The following ZDHHC15 variants were observed in gnomAD, a reference collection of about 807,000 sequenced individuals.
ZDHHC15 encodes palmitoyltransferase ZDHHC15.
A neutral mutation model predicts 31.7 loss-of-function variants in ZDHHC15; 19 were observed. That is an observed-to-expected ratio of 0.60 (90% confidence interval 0.42 to 0.88). The LOEUF is 0.88. Among genes scored for constraint, ZDHHC15 ranks in the 40% least tolerant of loss-of-function variants. ZDHHC15 has a pLI of 0.00. For synonymous variants in ZDHHC15, 103 were observed against 90.0 expected, an observed-to-expected ratio of 1.14 and a Z score of -0.82; for missense variants, 209 against 251.2, an observed-to-expected ratio of 0.83 and a Z score of 1.14.
At chrX:75,507,672 T>A (rs2085189314) in intron 1 of ZDHHC15, among the ~76,000 whole-genome samples, 1 of 111,789 alleles carries the variant, frequency 8.9e-6, no homozygotes, top group African/African-American at 3.2e-5. Flanking sequence ...CATGTAATTA[T>A]ACACCTTCTC....
chrX:75,437,352 T>A (rs1485715990), intron 4 of ZDHHC15, among the ~76,000 whole-genome samples: 1 of 100,383 alleles, frequency 1.0e-5, no homozygotes, highest in Admixed American at 1.1e-4. Flanking sequence ...TAGTTACATA[T>A]GTATACATGT....
chrX:75,391,172 C>T (rs747499201), intron 10 of ZDHHC15, among the ~76,000 whole-genome samples: 1 of 111,261 alleles, frequency 9.0e-6, no homozygotes, highest in Non-Finnish European at 1.9e-5. Context: ...AAAATACACA[C>T]AGAGAAGAGA....
chrX:75,460,921 A>T lies in ZDHHC15; in HGVS notation c.259-9999T>A, dbSNP rs981042676. Among the ~76,000 whole-genome samples, 4 of 112,065 alleles carry T rather than the reference A, an allele frequency of 3.6e-5. No homozygotes were observed. The Admixed American group carries it at 3.8e-4, about 11-fold the overall frequency. On this transcript the variant is annotated intron_variant, in intron 3 of 11. Coordinates refer to ENST00000373367, the MANE Select transcript of ZDHHC15 (RefSeq NM_144969.3). The stretch of plus-strand genomic sequence containing the variant: ...CAACACCTCTAGAGCAAGGGCACAG[A>T]ACTGGGCTGAGGTTAAGATGCCTGA...
chrX:75,383,881 G>A (rs2083149579), intron 10 of ZDHHC15, among the ~76,000 whole-genome samples: 1 of 104,484 alleles, frequency 9.6e-6, no homozygotes, highest in African/African-American at 3.5e-5. Context: ...TGGGACTACA[G>A]GCATCCCCCA....
chrX:75,479,725 A>T (rs1409719634), intron 2 of ZDHHC15, among the ~76,000 whole-genome samples: 2 of 111,244 alleles, frequency 1.8e-5, no homozygotes, highest in Non-Finnish European at 3.8e-5. Context: ...ATATGTACAC[A>T]TTATTTAGCT....
chrX:75,373,120 A>G (rs1000110871), intron 11 of ZDHHC15, among the ~76,000 whole-genome samples, 175 bp from the exon 12 acceptor site: 3 of 111,800 alleles, frequency 2.7e-5, no homozygotes, highest in African/African-American at 9.7e-5. Flanking sequence ...ATACAATGCT[A>G]TATTTTTGAC....
At chrX:75,409,817 AAAAC>A (rs1295026840) in intron 10 of ZDHHC15, among the ~76,000 whole-genome samples, 5 of 100,140 alleles carry the variant, frequency 5.0e-5, no homozygotes, top group East Asian at 3.4e-4. Context: ...AAAAAAAAAA[AAAAC>A]AACAACAACA....
At chrX:75,444,686 A>ACACG (rs1445307919) in intron 4 of ZDHHC15, among the ~76,000 whole-genome samples, 3 of 84,785 alleles carry the variant, frequency 3.5e-5, no homozygotes, top group African/African-American at 1.5e-4. Flanking sequence ...ATATATATAT[A>ACACG]TACACACACA....
At chrX:75,455,638 C>T (rs772288798) in intron 3 of ZDHHC15, among the ~76,000 whole-genome samples, 140 of 111,863 alleles carry the variant, frequency 1.3e-3, no homozygotes, top group African/African-American at 4.3e-3. Context: ...GGCTAATATC[C>T]AGAATCTACA....
intron 3 of ZDHHC15, among the ~76,000 whole-genome samples, chrX:75,452,377 C>T (rs1355918429): frequency 9.0e-6 from 1 of 111,100 alleles, no homozygotes; most frequent in East Asian, 2.8e-4. Flanking sequence ...CAGGAGCACC[C>T]AGATTCATAA....
intron 4 of ZDHHC15, among the ~76,000 whole-genome samples, chrX:75,450,206 A>G (rs1279879029): frequency 1.8e-5 from 2 of 112,159 alleles, no homozygotes; most frequent in African/African-American, 6.5e-5. Flanking sequence ...TTCCAATTAT[A>G]TAAAATTTGA....
intron 4 of ZDHHC15, among the ~76,000 whole-genome samples, chrX:75,448,491 C>T (rs62622742): frequency 4.0e-3 from 452 of 111,850 alleles, no homozygotes; most frequent in Non-Finnish European, 5.9e-3. Context: ...TTCTCTTATC[C>T]CCTTATCATG....
Position 75,372,562 on chromosome X carries a change from T to A in ZDHHC15, c.*416A>T, listed in dbSNP as rs1262969715. 1 of 111,613 alleles carries A rather than the reference T, an allele frequency of 9.0e-6. No homozygotes were observed. The highest frequency in any genetic ancestry group is 3.3e-5 in the African/African-American group (1 of 30,741). The allele number at this position is 111,613 out of a possible 1,213,427, so 9.2% of individuals were successfully genotyped here. A position where few individuals can be genotyped will look rare whatever the true frequency, so the allele number is the denominator to read the frequency against. On this transcript the variant is annotated 3_prime_UTR_variant, in exon 12 of 12. Coordinates refer to ENST00000373367, the MANE Select transcript of ZDHHC15 (RefSeq NM_144969.3). ...ACACAAGCAGCAAATGTAGTTTGAT[T>A]CCCTTCAACACCAAAAAGGCCCTAT...
At chrX:75,438,920 C>A (rs1206764178) in intron 4 of ZDHHC15, among the ~76,000 whole-genome samples, 2 of 111,370 alleles carry the variant, frequency 1.8e-5, no homozygotes, top group African/African-American at 6.5e-5. Flanking sequence ...ATGAAGTTTT[C>A]TTTCGCTGGA....
intron 2 of ZDHHC15, among the ~76,000 whole-genome samples, chrX:75,494,117 C>G (rs1438563919): frequency 1.8e-5 from 2 of 111,367 alleles, no homozygotes; most frequent in East Asian, 2.8e-4. Flanking sequence ...ACAAAAATCA[C>G]AAGCATTCTT....
intron 10 of ZDHHC15, among the ~76,000 whole-genome samples, chrX:75,381,087 C>A (rs1250931052): frequency 9.0e-6 from 1 of 111,110 alleles, no homozygotes; most frequent in Non-Finnish European, 1.9e-5. Flanking sequence ...ATATAAGTCG[C>A]ATTACCTCCC....
intron 4 of ZDHHC15, among the ~76,000 whole-genome samples, chrX:75,444,642 A>G (rs1379228233): frequency 0.14 from 176 of 1,294 alleles, 2 homozygotes; most frequent in Middle Eastern, 1. Context: ...GCAACACTGT[A>G]TATATATATA....
intron 7 of ZDHHC15, 22 bp from the exon 8 acceptor site, chrX:75,424,806 A>C: frequency 8.5e-7 from 1 of 1,170,565 alleles, no homozygotes; most frequent in Non-Finnish European, 1.1e-6. Context: ...ATAATAAACA[A>C]GCAAAAGATT....
At chrX:75,470,449 T>A (rs755542177) in intron 3 of ZDHHC15, among the ~76,000 whole-genome samples, 2 of 111,147 alleles carry the variant, frequency 1.8e-5, no homozygotes, top group Non-Finnish European at 3.8e-5. Context: ...CATAATACCT[T>A]TGACCATATG....
Sources: gnomAD v4.1 joint callset for allele counts (sites outside exome capture counted in the v4.1 genomes callset) on GRCh38, gnomAD v4.1.1 for gene constraint, MANE v1.5 for transcripts, NCBI Gene and HGNC (gene_info 2026-07-23, HGNC 2026-07-21) for gene names.